SORCS1: variants seen among roughly 807,000 people sequenced by gnomAD.
The protein encoded by SORCS1 is VPS10 domain-containing receptor SorCS1.
SORCS1 carries 60 observed loss-of-function variants against 146.1 expected under a neutral mutation model. That is an observed-to-expected ratio of 0.41 (90% CI 0.33 to 0.51). The LOEUF is 0.51. Among genes scored for constraint, SORCS1 ranks in the 20% least tolerant of loss-of-function variants. SORCS1 has a pLI of 0.21. For missense variants in SORCS1, 1,352 were observed against 1,487.6 expected, an observed-to-expected ratio of 0.91 and a Z score of 1.50; for synonymous variants, 637 against 584.0, an observed-to-expected ratio of 1.09 and a Z score of -1.31.
intron 1 of SORCS1, among the ~76,000 whole-genome samples, chr10:107,049,822 ATT>A (rs1221947672): frequency 2.6e-5 from 4 of 152,204 alleles, no homozygotes; most frequent in Non-Finnish European, 5.9e-5. Context: ...CTAAAGATGA[ATT>A]TGGATTTTTA....
chr10:107,034,081 T>C (rs1018786434), intron 1 of SORCS1, among the ~76,000 whole-genome samples: 1 of 152,196 alleles, frequency 6.6e-6, no homozygotes, highest in Non-Finnish European at 1.5e-5. Flanking sequence ...AGGCTTCCAA[T>C]AGACAGCTTG....
intron 1 of SORCS1, among the ~76,000 whole-genome samples, chr10:107,149,646 G>C (rs1968608674): frequency 6.6e-6 from 1 of 152,246 alleles, no homozygotes; most frequent in Non-Finnish European, 1.5e-5. Flanking sequence ...GTGTGTGTTG[G>C]TTGGGTGAAG....
At chr10:107,169,183 A>G (rs933996965), upstream of SORCS1, among the ~76,000 whole-genome samples, 3 of 152,182 alleles carry the variant, frequency 2.0e-5, no homozygotes, top group East Asian at 1.9e-4. Flanking sequence ...AATCACATTT[A>G]TATGCCTCAT....
At chr10:107,122,226 C>T (rs1966450947) in intron 1 of SORCS1, among the ~76,000 whole-genome samples, 1 of 152,226 alleles carries the variant, frequency 6.6e-6, no homozygotes, top group South Asian at 2.1e-4. Flanking sequence ...CAAGCAAGGG[C>T]CTGCCATTCC....
At chr10:107,106,375 T>C (rs966797818) in intron 1 of SORCS1, among the ~76,000 whole-genome samples, 5 of 152,230 alleles carry the variant, frequency 3.3e-5, no homozygotes, top group African/African-American at 1.2e-4. Flanking sequence ...GCTCAGTAAA[T>C]GTTTGTTAAA....
At chr10:106,661,073 G>A (rs998183744) in intron 17 of SORCS1, among the ~76,000 whole-genome samples, 2 of 152,166 alleles carry the variant, frequency 1.3e-5, no homozygotes, top group African/African-American at 2.4e-5. Flanking sequence ...AAATTTTGCA[G>A]TATGCTCCCC....
At chr10:106,933,741 T>C (rs1198452034) in intron 2 of SORCS1, among the ~76,000 whole-genome samples, 1 of 152,126 alleles carries the variant, frequency 6.6e-6, no homozygotes, top group Non-Finnish European at 1.5e-5. Context: ...ACTCTACAAC[T>C]TGTAGAGCAC....
chr10:106,589,697 G>GAAA (rs1157873689), intron 24 of SORCS1, among the ~76,000 whole-genome samples: 32 of 55,652 alleles, frequency 5.8e-4, no homozygotes, highest in Non-Finnish European at 6.9e-4. Flanking sequence ...CTTTGACGAC[G>GAAA]AAAAAAAAAA....
intron 2 of SORCS1, among the ~76,000 whole-genome samples, chr10:106,835,118 C>T (rs1488688704): frequency 6.6e-6 from 1 of 152,160 alleles, no homozygotes; most frequent in Non-Finnish European, 1.5e-5. Context: ...TCTGAGGCAT[C>T]CCACCCGCCT....
intron 1 of SORCS1, among the ~76,000 whole-genome samples, chr10:106,967,093 G>A (rs1354618336): frequency 7.2e-6 from 1 of 139,416 alleles, no homozygotes. Flanking sequence ...TATTTCCCAA[G>A]TTCAGAGATG....
intron 9 of SORCS1, among the ~76,000 whole-genome samples, chr10:106,689,478 C>T (rs1853132801): frequency 6.6e-6 from 1 of 152,136 alleles, no homozygotes; most frequent in African/African-American, 2.4e-5. Context: ...GACTTGGTGG[C>T]TTTCTGGAAC....
At chr10:106,620,302 T>G in intron 20 of SORCS1, 126 bp downstream of exon 20, 1 of 1,233,990 alleles carries the variant, frequency 8.1e-7, no homozygotes, top group Non-Finnish European at 1.1e-6. Flanking sequence ...CCAAGGGAGC[T>G]TGTTGTCCTT....
intron 1 of SORCS1, among the ~76,000 whole-genome samples, chr10:107,090,760 T>C (rs1181815087): frequency 6.6e-6 from 1 of 152,130 alleles, no homozygotes; most frequent in African/African-American, 2.4e-5. Flanking sequence ...AGCCCTTATT[T>C]TGATAAGCAG....
Position 106,671,285 on chromosome 10 carries a change from C to G in SORCS1, c.2141G>C (p.Gly714Ala), listed in dbSNP as rs765670901. 6.2e-7 allele frequency: 1 copy of G among 1,614,028 alleles called. No homozygotes were observed. Among genetic ancestry groups the G allele is most frequent in the Non-Finnish European group, 8.5e-7 (1 of 1,180,020 alleles). Residue 714 changes from glycine (G) to alanine (A), a missense_variant, in exon 16 of 26, where the codon GGA (glycine) becomes GCA (alanine). This residue lies in a region of SORCS1 where 648 missense variants were observed against 793.8 expected (regional missense o/e 0.82). Transcript: ENST00000263054. ...ERKCMQGKYA[G>A]AMESEPCVCT... ...GACACAGGGTTCAGATTCCATAGCTCCTGCATATTTTCCTTGCATACACTT... is the reference window on the plus strand; with the variant it reads ...GACACAGGGTTCAGATTCCATAGCTGCTGCATATTTTCCTTGCATACACTT...
At chr10:106,669,791 G>A (rs534107435) in intron 16 of SORCS1, among the ~76,000 whole-genome samples, 13 of 152,276 alleles carry the variant, frequency 8.5e-5, no homozygotes, top group South Asian at 2.1e-4. Flanking sequence ...TTGGCTTGGC[G>A]TCCTCACCAA....
chr10:106,709,352 A>C lies in SORCS1; in HGVS notation c.1025-11T>G. On this transcript the variant is annotated splice_polypyrimidine_tract_variant and intron_variant, in intron 6 of 25. Coordinates refer to ENST00000263054, the MANE Select transcript of SORCS1 (RefSeq NM_052918.5). ...TTAGATAATGTGAATCTGAAAAACA[A>C]AAACAAAAACAAAAACATGGGGTTG... 6.5e-7 allele frequency: 1 copy of C among 1,538,312 alleles called. No individual in the cohort carries two copies. The highest frequency in any genetic ancestry group is 9.0e-7 in the Non-Finnish European group (1 of 1,111,516).
chr10:107,080,226 T>C (rs563698523), intron 1 of SORCS1, among the ~76,000 whole-genome samples: 139 of 152,346 alleles, frequency 9.1e-4, no homozygotes, highest in African/African-American at 3.2e-3. Flanking sequence ...GTGGCTGACA[T>C]TAAGCCATAA....
intron 1 of SORCS1, among the ~76,000 whole-genome samples, chr10:107,024,173 C>CAAAAA (rs60404386): frequency 1.1e-5 from 1 of 94,554 alleles, no homozygotes; most frequent in East Asian, 3.5e-4. Context: ...GATTCCATCT[C>CAAAAA]AAAAAAAAAA....
At chr10:106,941,058 C>T (rs1443407371) in intron 2 of SORCS1, among the ~76,000 whole-genome samples, 4 of 152,128 alleles carry the variant, frequency 2.6e-5, no homozygotes, top group Non-Finnish European at 5.9e-5. Flanking sequence ...CCTCCCTATG[C>T]CTCAGTTTCC....
Sources: gnomAD v4.1 joint callset for allele counts (sites outside exome capture counted in the v4.1 genomes callset) on GRCh38, gnomAD v4.1.1 for gene constraint, gnomAD v4.1.1 regional missense constraint, MANE v1.5 for transcripts, NCBI Gene and HGNC (gene_info 2026-07-23, HGNC 2026-07-21) for gene names.